Variants in SRGAP1 observed in about 807,000 individuals in gnomAD.
SRGAP1 encodes the protein SLIT-ROBO Rho GTPase activating protein 1, also known as SLIT-ROBO Rho GTPase-activating protein 1.
In SRGAP1, 43 loss-of-function variants were observed where a neutral mutation model predicts 121.9. The ratio of observed to expected loss-of-function variants is 0.35; its 90% confidence interval spans 0.28 to 0.46. The LOEUF is 0.46. Ranked by LOEUF, SRGAP1 falls within the 20% of genes least tolerant of loss-of-function variation. SRGAP1 has a pLI of 1.00. For missense variants in SRGAP1, 1,102 were observed against 1,350.9 expected, an observed-to-expected ratio of 0.82 and a Z score of 2.89; for synonymous variants, 447 against 485.4, an observed-to-expected ratio of 0.92 and a Z score of 1.04.
chr12:63,880,093 A>T (rs1900144731), intron 1 of SRGAP1, among the ~76,000 whole-genome samples: 1 of 152,122 alleles, frequency 6.6e-6, no homozygotes, highest in East Asian at 1.9e-4. Context: ...GTCTCATGAG[A>T]TCTGATGATT....
chr12:64,073,213 A>G (rs951629276), intron 8 of SRGAP1, among the ~76,000 whole-genome samples: 1 of 152,150 alleles, frequency 6.6e-6, no homozygotes, highest in African/African-American at 2.4e-5. Flanking sequence ...GGCTTCTGTC[A>G]CATCCTTTAT....
chr12:64,011,741 A>G (rs2034258381), intron 3 of SRGAP1, among the ~76,000 whole-genome samples: 1 of 152,192 alleles, frequency 6.6e-6, no homozygotes, highest in East Asian at 1.9e-4. Flanking sequence ...ATATAATTAC[A>G]TGTAAAAATG....
intron 1 of SRGAP1, among the ~76,000 whole-genome samples, chr12:63,861,302 A>ATATTTTT (rs1184711599): frequency 1.5e-5 from 2 of 132,628 alleles, no homozygotes; most frequent in East Asian, 2.3e-4. Context: ...ATATATATAT[A>ATATTTTT]TTTTTTTTTT....
chr12:63,889,801 A>C (rs1225731392), intron 1 of SRGAP1, among the ~76,000 whole-genome samples: 1 of 151,938 alleles, frequency 6.6e-6, no homozygotes, highest in East Asian at 1.9e-4. Flanking sequence ...CCAGCTACTC[A>C]GGAGGCTGAG....
chr12:64,129,923 T>C (rs1188062279), intron 21 of SRGAP1, among the ~76,000 whole-genome samples: 2 of 152,246 alleles, frequency 1.3e-5, no homozygotes, highest in African/African-American at 4.8e-5. Context: ...GACTACCTTC[T>C]ACTACCCATT....
intron 10 of SRGAP1, among the ~76,000 whole-genome samples, chr12:64,083,316 A>G (rs961549456): frequency 1.3e-5 from 2 of 152,242 alleles, no homozygotes; most frequent in African/African-American, 4.8e-5. Flanking sequence ...AACTGCCTTC[A>G]TAGTAAAACA....
chr12:63,864,787 G>A (rs1048919556), intron 1 of SRGAP1, among the ~76,000 whole-genome samples: 1 of 151,924 alleles, frequency 6.6e-6, no homozygotes, highest in African/African-American at 2.4e-5. Flanking sequence ...AGGATCCTGC[G>A]ACAGGAAAAG....
Position 64,143,468 on chromosome 12 carries a change from T to C in SRGAP1, c.*796T>C, listed in dbSNP as rs1180095043. ...TAGAAGGGTTTAATTTTAAAGACTT[T>C]CTGGTTACACTACTCCACGAACTCC... On this transcript the variant is annotated 3_prime_UTR_variant, in exon 22 of 22. Coordinates refer to ENST00000355086, the MANE Select transcript of SRGAP1 (RefSeq NM_020762.4). 1 of 152,206 alleles carries C rather than the reference T, an allele frequency of 6.6e-6. No individual in the cohort carries two copies. Among genetic ancestry groups the C allele is most frequent in the Non-Finnish European group, 1.5e-5 (1 of 68,054 alleles). The allele number at this position is 152,206 out of a possible 1,614,324, so 9.4% of individuals were successfully genotyped here. A position where few individuals can be genotyped will look rare whatever the true frequency, so the allele number is the denominator to read the frequency against.
intron 10 of SRGAP1, among the ~76,000 whole-genome samples, chr12:64,082,207 C>T (rs115895577): frequency 2.2e-3 from 336 of 151,970 alleles, no homozygotes; most frequent in African/African-American, 7.9e-3. Flanking sequence ...ATTCTTGGCA[C>T]TGCTTGCAGA....
intron 10 of SRGAP1, among the ~76,000 whole-genome samples, chr12:64,083,364 C>T (rs1280920276): frequency 2.6e-5 from 4 of 152,192 alleles, no homozygotes; most frequent in African/African-American, 4.8e-5. Context: ...GTTGCTCGTA[C>T]ACAGCTGAAT....
intron 15 of SRGAP1, among the ~76,000 whole-genome samples, chr12:64,107,102 C>A (rs752349620): frequency 6.6e-6 from 1 of 152,142 alleles, no homozygotes; most frequent in Non-Finnish European, 1.5e-5. Context: ...TCTCAGGAAT[C>A]CTGATAAATT....
chr12:63,999,128 C>G (rs1463183108), intron 3 of SRGAP1, among the ~76,000 whole-genome samples: 2 of 152,154 alleles, frequency 1.3e-5, no homozygotes, highest in Non-Finnish European at 2.9e-5. Flanking sequence ...GAGCAGAAAA[C>G]TCTTCCAGGA....
At chr12:64,137,206 G>GT (rs2036869574) in intron 21 of SRGAP1, among the ~76,000 whole-genome samples, 1 of 151,986 alleles carries the variant, frequency 6.6e-6, no homozygotes, top group African/African-American at 2.4e-5. Flanking sequence ...GGAGGTCGCA[G>GT]TGAGCCGAGA....
chr12:63,990,008 A>C lies in SRGAP1; in HGVS notation c.362A>C (p.Tyr121Ser), dbSNP rs756544021. Residue 121 changes from tyrosine (Y) to serine (S), a missense_variant, in exon 3 of 22, where the codon TAT (tyrosine) becomes TCT (serine). Physicochemically the swap from Tyr to Ser is moderately radical, Grantham distance 144. Coordinates refer to ENST00000355086, the MANE Select transcript of SRGAP1 (RefSeq NM_020762.4). ...SKDHATLSDI[Y>S]LNNVIMRFMQ... ...GACCATGCAACCTTGAGTGACATCT[A>C]TCTGAACAATGTGATTATGCGGTTC... 2 of 1,613,984 alleles carry C rather than the reference A, an allele frequency of 1.2e-6. No homozygotes were observed. The highest frequency in any genetic ancestry group is 1.7e-6 in the Non-Finnish European group (2 of 1,179,900).
intron 1 of SRGAP1, among the ~76,000 whole-genome samples, chr12:63,872,196 C>A (rs893424699): frequency 3.3e-5 from 5 of 152,020 alleles, no homozygotes; most frequent in African/African-American, 1.2e-4. Flanking sequence ...TGTTTTTGTA[C>A]CCTAGGTCTA....
At chr12:63,962,842 G>A (rs2032682006) in intron 1 of SRGAP1, among the ~76,000 whole-genome samples, 1 of 152,166 alleles carries the variant, frequency 6.6e-6, no homozygotes, top group Non-Finnish European at 1.5e-5. Flanking sequence ...TGAATGTGCT[G>A]TCGGGGTAAA....
At chr12:63,893,355 ATG>A (rs1165793124) in intron 1 of SRGAP1, among the ~76,000 whole-genome samples, 1 of 152,212 alleles carries the variant, frequency 6.6e-6, no homozygotes, top group African/African-American at 2.4e-5. Flanking sequence ...TAGTCATTAT[ATG>A]TGTGTCAGGC....
At chr12:63,887,175 G>C (rs1055662488) in intron 1 of SRGAP1, among the ~76,000 whole-genome samples, 1 of 152,170 alleles carries the variant, frequency 6.6e-6, no homozygotes, top group Admixed American at 6.6e-5. Context: ...TGCCTGGCCA[G>C]ATTTAATGAT....
chr12:63,847,945 T>C (rs180827687), intron 1 of SRGAP1, among the ~76,000 whole-genome samples: 3 of 151,836 alleles, frequency 2.0e-5, no homozygotes, highest in African/African-American at 7.2e-5. Flanking sequence ...ATTTTTGAGA[T>C]AATGTTTTGA....
Sources: gnomAD v4.1 joint callset for allele counts (sites outside exome capture counted in the v4.1 genomes callset) on GRCh38, gnomAD v4.1.1 for gene constraint, MANE v1.5 for transcripts, NCBI Gene and HGNC (gene_info 2026-07-23, HGNC 2026-07-21) for gene names.